IGSF11: variants seen among roughly 807,000 people sequenced by gnomAD.
The protein encoded by IGSF11 is immunoglobulin superfamily member 11, also known as CXADR like 1.
Under a neutral mutation model 41.0 loss-of-function variants are expected in IGSF11, and 22 were observed. That is an observed-to-expected ratio of 0.54 (90% CI 0.38 to 0.77). The LOEUF is 0.77. Among genes scored for constraint, IGSF11 ranks in the 30% least tolerant of loss-of-function variants. IGSF11 has a pLI of 0.00. For missense variants in IGSF11, 444 were observed against 530.8 expected (o/e 0.84, Z 1.61); for synonymous variants, 219 against 201.3 (o/e 1.09, Z -0.74).
At chr3:119,110,456 C>T (rs1430678231) in intron 1 of IGSF11, among the ~76,000 whole-genome samples, 1 of 152,164 alleles carries the variant, frequency 6.6e-6, no homozygotes, top group Non-Finnish European at 1.5e-5. Context: ...GATCTTCCTC[C>T]ACCCTTTTAT....
intron 1 of IGSF11, among the ~76,000 whole-genome samples, chr3:118,946,471 G>A (rs182827377): frequency 2.0e-5 from 3 of 151,588 alleles, no homozygotes; most frequent in Admixed American, 2.0e-4. Context: ...AGAAGAAGAG[G>A]AGGAAAGAAA....
chr3:119,139,325 G>C (rs1326701064), intron 1 of IGSF11, among the ~76,000 whole-genome samples: 1 of 152,074 alleles, frequency 6.6e-6, no homozygotes, highest in Non-Finnish European at 1.5e-5. Context: ...AAAGAATAAA[G>C]AGCAACAGTA....
At chr3:119,063,804 A>G (rs1351814732) in intron 1 of IGSF11, among the ~76,000 whole-genome samples, 1 of 152,242 alleles carries the variant, frequency 6.6e-6, no homozygotes, top group African/African-American at 2.4e-5. Context: ...GAAGGAAAGG[A>G]AAACTTTTCA....
chr3:119,133,893 C>T (rs936905552), intron 1 of IGSF11, among the ~76,000 whole-genome samples: 1 of 152,144 alleles, frequency 6.6e-6, no homozygotes, highest in African/African-American at 2.4e-5. Context: ...TGGCTTCACC[C>T]CTGGGATGCA....
chr3:119,046,004 C>T (rs1391654174), intron 1 of IGSF11, among the ~76,000 whole-genome samples: 1 of 151,454 alleles, frequency 6.6e-6, no homozygotes, highest in East Asian at 1.9e-4. Context: ...ACATCACCAT[C>T]ATCAAAGACC....
At chr3:119,080,496 A>G (rs1023263508) in intron 1 of IGSF11, among the ~76,000 whole-genome samples, 6 of 152,224 alleles carry the variant, frequency 3.9e-5, no homozygotes, top group Non-Finnish European at 5.9e-5. Context: ...TTATTTCTTA[A>G]TAACAGTGGG....
intron 1 of IGSF11, among the ~76,000 whole-genome samples, chr3:118,938,000 A>G (rs1943401233): frequency 6.6e-6 from 1 of 151,886 alleles, no homozygotes; most frequent in Non-Finnish European, 1.5e-5. Context: ...GTCACTTTCC[A>G]AAAGATATCT....
chr3:118,904,794 C>T lies in IGSF11; in HGVS notation c.708G>A (p.Gln236=). ...CAGCTATTAGTCCAATGTTCCTGGG[C>T]TGGGCTGCAAAATATATTTAAGATA... is the stretch of plus-strand genomic sequence containing the variant. ...CLLDLQVISP[Q]PRNIGLIAGA... The change falls in exon 6 of 7, where the codon CAG becomes CAA. Residue 236 remains glutamine, a synonymous_variant. Transcript: ENST00000393775. 6.3e-7 allele frequency: 1 copy of T among 1,595,836 alleles called. No homozygotes were observed. The highest frequency in any genetic ancestry group is 2.2e-5 in the East Asian group (1 of 44,718).
chr3:119,059,655 AT>A (rs529073221), intron 1 of IGSF11, among the ~76,000 whole-genome samples: 111 of 148,132 alleles, frequency 7.5e-4, no homozygotes, highest in Middle Eastern at 3.5e-3. Flanking sequence ...GACACTGGTG[AT>A]TTTTTTTTTT....
upstream of IGSF11, among the ~76,000 whole-genome samples, chr3:119,036,784 T>C (rs552235195): frequency 1.3e-5 from 2 of 152,192 alleles, no homozygotes. Context: ...CAGATAGAGT[T>C]CTGCCTCTTT....
At chr3:119,125,285 C>T (rs1036090019) in intron 1 of IGSF11, among the ~76,000 whole-genome samples, 1 of 152,130 alleles carries the variant, frequency 6.6e-6, no homozygotes, top group African/African-American at 2.4e-5. Context: ...TATGCGCGTT[C>T]GTATAAGAGA....
chr3:119,042,380 T>C (rs1941150477), intron 1 of IGSF11, among the ~76,000 whole-genome samples: 1 of 152,180 alleles, frequency 6.6e-6, no homozygotes, highest in Non-Finnish European at 1.5e-5. Context: ...TTGGGCAAGA[T>C]CTAAGCCCTG....
At chr3:118,973,539 T>A (rs186628422) in intron 1 of IGSF11, among the ~76,000 whole-genome samples, 38 of 152,210 alleles carry the variant, frequency 2.5e-4, no homozygotes, top group Non-Finnish European at 4.3e-4. Context: ...AAATACAAAG[T>A]GGGGTAAGCC....
Position 118,905,701 on chromosome 3 carries a change from C to G in IGSF11, c.598G>C (p.Val200Leu), listed in dbSNP as rs1335171616. 2 of 1,613,834 alleles carry G rather than the reference C, an allele frequency of 1.2e-6. No homozygotes were observed. Among genetic ancestry groups the G allele is most frequent in the South Asian group, 2.2e-5 (2 of 91,066 alleles). ...AGGGCACTGATGTTCCGGATGGTGA[C>G]TGTTCCCTGGACCTGGTCTGTCACA... Reference protein sequence around the residue: ...TATQDQVQGTVTIRNISALSS... With the variant: ...TATQDQVQGTLTIRNISALSS... The change falls in exon 5 of 7, where the codon GTC becomes CTC. Residue 200 changes from valine to leucine, a missense_variant. Val to Leu is a conservative substitution (Grantham distance 32). Around this residue, in one of 3 missense-constraint regions of IGSF11, gnomAD observed 193 missense variants for 283.5 expected, o/e 0.68. Transcript: ENST00000393775.
intron 1 of IGSF11, among the ~76,000 whole-genome samples, chr3:118,962,121 G>A (rs1027441272): frequency 6.6e-6 from 1 of 152,082 alleles, no homozygotes; most frequent in Non-Finnish European, 1.5e-5. Context: ...ATATTCCTGT[G>A]CTTAAAGGTT....
At chr3:119,092,430 G>T (rs780077929) in intron 1 of IGSF11, among the ~76,000 whole-genome samples, 3 of 151,992 alleles carry the variant, frequency 2.0e-5, no homozygotes, top group Non-Finnish European at 2.9e-5. Flanking sequence ...CAGCCTCCCA[G>T]GTTCAAGAGA....
At chr3:119,006,397 C>T (rs1937504928) in intron 1 of IGSF11, among the ~76,000 whole-genome samples, 1 of 100,458 alleles carries the variant, frequency 1.0e-5, no homozygotes, top group South Asian at 3.8e-4. Context: ...CACTTCTTTG[C>T]CTTTGGTTTG....
chr3:119,125,582 G>A lies in IGSF11; in HGVS notation c.-14+20231C>T, dbSNP rs1168722487. Among the ~76,000 whole-genome samples, 5 of 152,218 alleles carry A rather than the reference G, an allele frequency of 3.3e-5. No individual in the cohort carries two copies. The South Asian group carries it at 8.3e-4, about 25-fold the overall frequency. On this transcript the variant is annotated intron_variant, in intron 1 of 7. Coordinates refer to the IGSF11 transcript ENST00000425327. ...TTACAAAGTACATTCACAGGGATGG[G>A]GAATATCACAAAGTACATTATCACA...
intron 1 of IGSF11, chr3:118,946,905 T>C (rs970724620): frequency 6.6e-6 from 1 of 152,176 alleles, no homozygotes; most frequent in East Asian, 1.9e-4. Flanking sequence ...AGGTCAGGAG[T>C]TGCTTCCACC....
Sources: allele counts gnomAD v4.1 joint callset (sites outside exome capture counted in the v4.1 genomes callset), GRCh38; gene constraint gnomAD v4.1.1; regional missense constraint gnomAD v4.1.1; transcripts MANE v1.5; gene names NCBI Gene and HGNC (gene_info 2026-07-23, HGNC 2026-07-21).